MAOB: variants seen among roughly 807,000 people sequenced by gnomAD.
MAOB encodes the protein monoamine oxidase B, also known as amine oxidase [flavin-containing] B.
A neutral mutation model predicts 41.9 loss-of-function variants in MAOB; 15 were observed. That is an observed-to-expected ratio of 0.36 (90% CI 0.24 to 0.55). The LOEUF (loss-of-function observed/expected upper bound fraction) is 0.55. Among genes scored for constraint, MAOB ranks in the 20% least tolerant of loss-of-function variants. MAOB has a pLI of 0.86. For synonymous variants in MAOB, 167 were observed against 144.2 expected (o/e 1.16, Z -1.13); for missense variants, 345 against 398.7 (o/e 0.87, Z 1.15).
intron 3 of MAOB, among the ~76,000 whole-genome samples, chrX:43,830,018 T>C (rs1393085505): frequency 1.8e-5 from 2 of 111,756 alleles, no homozygotes; most frequent in East Asian, 5.6e-4. Flanking sequence ...TAATGTTTTA[T>C]ATTGATTACA....
chrX:43,858,891 C>A (rs1012269917), intron 1 of MAOB, among the ~76,000 whole-genome samples: 11 of 111,888 alleles, frequency 9.8e-5, no homozygotes, highest in South Asian at 7.5e-4. Context: ...AACGATTTAA[C>A]AAAAGCCAAA....
intron 3 of MAOB, among the ~76,000 whole-genome samples, chrX:43,824,512 G>A (rs978020356): frequency 4.5e-5 from 5 of 111,125 alleles, no homozygotes; most frequent in Non-Finnish European, 9.4e-5. Flanking sequence ...GGCAAAACCC[G>A]TCTCTACTAA....
At chrX:43,839,112 G>A (rs1316554881) in intron 2 of MAOB, 107 bp from the exon 3 acceptor site, 1 of 529,760 alleles carries the variant, frequency 1.9e-6, no homozygotes, top group Non-Finnish European at 2.8e-6. Flanking sequence ...TATAGATACA[G>A]CTTAAGGGTA....
chrX:43,803,459 G>A (rs963261780), intron 3 of MAOB, 55 bp from the exon 4 acceptor site: 1 of 1,133,126 alleles, frequency 8.8e-7, no homozygotes, highest in Non-Finnish European at 1.2e-6. Context: ...GTAAAAGTAG[G>A]TAATCTGCCA....
At chrX:43,829,689 T>C (rs1403211374) in intron 3 of MAOB, among the ~76,000 whole-genome samples, 1 of 112,285 alleles carries the variant, frequency 8.9e-6, no homozygotes, top group African/African-American at 3.2e-5. Context: ...TACTTCTGGA[T>C]TCTTTGTGAT....
At chrX:43,809,213 A>C (rs1342458725) in intron 3 of MAOB, among the ~76,000 whole-genome samples, 1 of 112,064 alleles carries the variant, frequency 8.9e-6, no homozygotes, top group Non-Finnish European at 1.9e-5. Context: ...ATTCTCATTC[A>C]ATGGAGTCCC....
chrX:43,830,982 G>T (rs1476436081), intron 3 of MAOB, among the ~76,000 whole-genome samples: 1 of 94,574 alleles, frequency 1.1e-5, no homozygotes, highest in South Asian at 5.7e-4. Flanking sequence ...ACACACAAAA[G>T]GTCAATGATT....
chrX:43,870,963 G>A (rs1341945468), intron 1 of MAOB, among the ~76,000 whole-genome samples: 1 of 111,141 alleles, frequency 9.0e-6, no homozygotes, highest in Non-Finnish European at 1.9e-5. Context: ...GTCTAGCTTA[G>A]GGTCCCCTGG....
intron 1 of MAOB, among the ~76,000 whole-genome samples, chrX:43,863,572 T>C (rs1279423555): frequency 8.9e-6 from 1 of 111,823 alleles, no homozygotes; most frequent in Non-Finnish European, 1.9e-5. Context: ...AAAATAATTA[T>C]AATTCACCCA....
chrX:43,841,080 A>G (rs766735141), intron 2 of MAOB, among the ~76,000 whole-genome samples: 1 of 110,913 alleles, frequency 9.0e-6, no homozygotes, highest in African/African-American at 3.3e-5. Context: ...AAAATGTCAG[A>G]TATATATCAT....
chrX:43,858,303 C>T (rs910313055), intron 1 of MAOB, among the ~76,000 whole-genome samples: 20 of 111,280 alleles, frequency 1.8e-4, no homozygotes, highest in Non-Finnish European at 1.7e-4. Flanking sequence ...AAACCTAAAT[C>T]CTGGGCTTCA....
At chrX:43,850,256 T>G in intron 1 of MAOB, 3 of 595,018 alleles carry the variant, frequency 5.0e-6, no homozygotes, top group Non-Finnish European at 6.1e-6. Context: ...AAAACAAAAT[T>G]CTTGAAACAT....
intron 11 of MAOB, among the ~76,000 whole-genome samples, chrX:43,776,938 A>G (rs1206504344): frequency 9.0e-6 from 1 of 110,548 alleles, no homozygotes; most frequent in Non-Finnish European, 1.9e-5. Context: ...AAGGACATGA[A>G]CTCATCATTT....
At chrX:43,840,388 G>A (rs1308239745) in intron 2 of MAOB, among the ~76,000 whole-genome samples, 1 of 111,751 alleles carries the variant, frequency 8.9e-6, no homozygotes, top group East Asian at 2.8e-4. Flanking sequence ...AGGCCATTTT[G>A]GGGGGATTAC....
At chrX:43,856,256 G>A (rs941477663) in intron 1 of MAOB, among the ~76,000 whole-genome samples, 7 of 110,791 alleles carry the variant, frequency 6.3e-5, no homozygotes, top group Non-Finnish European at 1.3e-4. Flanking sequence ...GCTAATTTTT[G>A]TATTTTTAGT....
intron 8 of MAOB, among the ~76,000 whole-genome samples, chrX:43,786,453 C>A (rs898423332): frequency 9.0e-6 from 1 of 111,651 alleles, no homozygotes; most frequent in Non-Finnish European, 1.9e-5. Flanking sequence ...CACTGTGCAC[C>A]TGTTAGAATC....
chrX:43,809,132 T>C (rs3027465), intron 3 of MAOB, among the ~76,000 whole-genome samples: 2,203 of 111,468 alleles, frequency 0.02, 60 homozygotes, highest in South Asian at 0.18. Context: ...AAGGGGCCCC[T>C]TCCAAGACTC....
chrX:43,839,951 G>C (rs1477145013), intron 2 of MAOB, among the ~76,000 whole-genome samples: 1 of 112,263 alleles, frequency 8.9e-6, no homozygotes. Context: ...AATTGTCCTT[G>C]TGTGGAACAG....
chrX:43,876,533 C>G (rs923953488), intron 1 of MAOB, among the ~76,000 whole-genome samples: 5 of 111,558 alleles, frequency 4.5e-5, no homozygotes, highest in African/African-American at 1.6e-4. Context: ...TATTGCCACC[C>G]CTATTGCCCA....
Sources: gnomAD v4.1 joint callset for allele counts (sites outside exome capture counted in the v4.1 genomes callset) on GRCh38, gnomAD v4.1.1 for gene constraint, MANE v1.5 for transcripts, NCBI Gene and HGNC (gene_info 2026-07-23, HGNC 2026-07-21) for gene names.